CNMD: variants seen among roughly 807,000 people sequenced by gnomAD.
The protein encoded by CNMD is leukocyte cell-derived chemotaxin 1.
In CNMD, 30 loss-of-function variants were observed where a neutral mutation model predicts 37.5. The observed-to-expected ratio is 0.80, with a 90% CI of 0.60 to 1.09. The LOEUF is 1.09. Ranked by LOEUF, CNMD falls within the 50% of genes least tolerant of loss-of-function variation. CNMD has a pLI of 0.00. For synonymous variants in CNMD, 167 were observed against 148.2 expected, an observed-to-expected ratio of 1.13 and a Z score of -0.92; for missense variants, 398 against 423.9, an observed-to-expected ratio of 0.94 and a Z score of 0.54.
chr13:52,723,211 C>A (rs1233286912), intron 4 of CNMD, among the ~76,000 whole-genome samples: 1 of 152,192 alleles, frequency 6.6e-6, no homozygotes, highest in East Asian at 1.9e-4. Context: ...CCCACCTCTG[C>A]CTCCTGAGTA....
At chr13:52,708,071 C>CA (rs1253354405) in intron 6 of CNMD, among the ~76,000 whole-genome samples, 3 of 151,768 alleles carry the variant, frequency 2.0e-5, no homozygotes, top group African/African-American at 4.8e-5. Flanking sequence ...GAAACAACAA[C>CA]AAAAAAACAA....
chr13:52,739,301 C>T lies in CNMD; in HGVS notation c.73-130G>A, dbSNP rs1200534635. On this transcript the variant is annotated intron_variant, in intron 1 of 6. Coordinates refer to ENST00000377962, the MANE Select transcript of CNMD (RefSeq NM_007015.3). The surrounding 1 kb of genome is among the most constrained non-coding windows in gnomAD (Gnocchi z 5.4). ...GGGCGGGAAACAGCTCGCCCGGGCTCCTACGGGTGCCCCTTTCGCCGCGCT... is the reference window on the plus strand; with the variant it reads ...GGGCGGGAAACAGCTCGCCCGGGCTTCTACGGGTGCCCCTTTCGCCGCGCT... The T allele has an allele frequency of 1.3e-5, 15 of 1,128,846 alleles. No individual in the cohort carries two copies. Among genetic ancestry groups the T allele is most frequent in the Non-Finnish European group, 1.8e-5 (15 of 834,496 alleles). The allele number at this position is 1,128,846 out of a possible 1,614,324, so 69.9% of individuals were successfully genotyped here.
rs368102754 is a variant in CNMD, at chr13:52,703,808, C to T, written c.792G>A (p.Gln264=). ...CGAATGTCATGCTTTCCCCTTCCTG[C>T]TGCTGTGAAATAAAAGATAATTATT... is the stretch of plus-strand genomic sequence containing the variant. The part of the protein sequence containing the change: ...QAFNPDNPYH[Q]QEGESMTFDP... Residue 264 remains glutamine (Q), a splice_region_variant and synonymous_variant, in exon 7 of 7, where the codon CAG becomes CAA. Transcript: ENST00000377962. 9 of 1,606,174 alleles carry T rather than the reference C, an allele frequency of 5.6e-6. No homozygotes were observed. The highest frequency in any genetic ancestry group is 7.7e-6 in the Non-Finnish European group (9 of 1,173,232).
chr13:52,733,023 CT>C, intron 3 of CNMD, 195 bp downstream of exon 3: 2 of 593,004 alleles, frequency 3.4e-6, no homozygotes, highest in Non-Finnish European at 5.9e-6. Context: ...TTGTTTTTTT[CT>C]TTTGCAAATA....
intron 4 of CNMD, among the ~76,000 whole-genome samples, chr13:52,716,505 C>T (rs562420544): frequency 1.3e-5 from 2 of 152,122 alleles, no homozygotes; most frequent in African/African-American, 4.8e-5. Context: ...GCCTTTAATC[C>T]AGCTTGAGTT....
intron 3 of CNMD, among the ~76,000 whole-genome samples, chr13:52,730,312 A>G (rs1483419927): frequency 2.0e-5 from 3 of 152,120 alleles, no homozygotes; most frequent in African/African-American, 4.8e-5. Flanking sequence ...TAGCAGCATG[A>G]TTTATAATCC....
chr13:52,720,083 C>T (rs1258333180), intron 4 of CNMD, among the ~76,000 whole-genome samples: 2 of 152,158 alleles, frequency 1.3e-5, no homozygotes, highest in Non-Finnish European at 1.5e-5. Flanking sequence ...AGTTGATCTT[C>T]AATCTTGGAT....
chr13:52,739,132 G>T lies in CNMD; in HGVS notation c.112C>A (p.Arg38=), dbSNP rs766369136. 6.4e-7 allele frequency: 1 copy of T among 1,551,940 alleles called. No individual in the cohort carries two copies. The highest frequency in any genetic ancestry group is 8.7e-7 in the Non-Finnish European group (1 of 1,155,254). ...ACCACGGCTCCCACCTTGAGCAGCC[G>T]CGCGGGGCTGGAGGGCTTCACCGTC... The part of the protein sequence containing the change: ...TLTVKPSSPA[R]LLKVGAVVLI... The change falls in exon 2 of 7, where the codon CGG becomes AGG. Residue 38 remains arginine, a synonymous_variant. Transcript: ENST00000377962. This position sits in a 1 kb window ranked among gnomAD's most constrained non-coding sequence, Gnocchi z 5.4.
chr13:52,729,868 G>A (rs928805529), intron 3 of CNMD, among the ~76,000 whole-genome samples: 1 of 151,634 alleles, frequency 6.6e-6, no homozygotes, highest in African/African-American at 2.4e-5. Context: ...TTGGGTACAT[G>A]TGCACAATGT....
chr13:52,739,751 G>GATCT lies in CNMD; in HGVS notation c.-54_-51dup. ...CTTGGAGACTCCCTGGGCACCCTGG[G>GATCT]ATCTGTCCCGCTGCCCCGACGTGCA... On this transcript the variant is annotated 5_prime_UTR_variant, in exon 1 of 7. The change creates a premature stop within an existing upstream ORF in the 5' untranslated region. Transcript: ENST00000377962. The surrounding 1 kb of genome is among the most constrained non-coding windows in gnomAD (Gnocchi z 5.4). 1 of 1,512,166 alleles carries GATCT rather than the reference G, an allele frequency of 6.6e-7. No individual in the cohort carries two copies. Among genetic ancestry groups the GATCT allele is most frequent in the Non-Finnish European group, 9.2e-7 (1 of 1,088,824 alleles). 93.7% of individuals were successfully genotyped at this position (1,512,166 alleles called of 1,614,324 possible).
chr13:52,735,009 A>C (rs4885947), intron 2 of CNMD, among the ~76,000 whole-genome samples: 4,677 of 152,194 alleles, frequency 0.031, 137 homozygotes, highest in Admixed American at 0.092. Flanking sequence ...ACCATCCCTC[A>C]TTGCCCCTCC....
At chr13:52,727,854 G>T (rs1964601300) in intron 3 of CNMD, among the ~76,000 whole-genome samples, 1 of 152,282 alleles carries the variant, frequency 6.6e-6, no homozygotes, top group African/African-American at 2.4e-5. Context: ...GTAAAAACAT[G>T]CAGTTAGACA....
At chr13:52,732,381 C>T (rs1370324979) in intron 3 of CNMD, among the ~76,000 whole-genome samples, 4 of 152,118 alleles carry the variant, frequency 2.6e-5, no homozygotes, top group Non-Finnish European at 4.4e-5. Context: ...CCTGAAGTGA[C>T]ACTTTGGTTT....
chr13:52,712,394 A>T (rs1203777259), intron 5 of CNMD, among the ~76,000 whole-genome samples: 1 of 152,170 alleles, frequency 6.6e-6, no homozygotes, highest in Non-Finnish European at 1.5e-5. Context: ...AAAATGTAAA[A>T]TTGGAAGGTG....
At chr13:52,733,911 A>G (rs118149547) in intron 2 of CNMD, among the ~76,000 whole-genome samples, 2 of 152,314 alleles carry the variant, frequency 1.3e-5, no homozygotes, top group Non-Finnish European at 2.9e-5. Flanking sequence ...TATATGGTAT[A>G]TGGTATTAGG....
Position 52,739,630 on chromosome 13 carries a change from CG to C in CNMD, c.71del (p.Pro24ArgfsTer6), listed in dbSNP as rs768157613. 3.1e-6 allele frequency: 5 copies of C among 1,613,580 alleles called. No homozygotes were observed. Among genetic ancestry groups the C allele is most frequent in the Admixed American group, 1.7e-5 (1 of 60,002 alleles). ...GPDDVEFCSP[P>X]AYATLTVKPS... ...GTGTGGAATCCCTGGCGGTACTCAC[CG>C]GGGGGCTGCAGAATTCCACGTCATC... On this transcript the variant is annotated frameshift_variant and splice_region_variant, in exon 1 of 7. Coordinates refer to ENST00000377962, the MANE Select transcript of CNMD (RefSeq NM_007015.3). LOFTEE classifies it high-confidence loss of function. This position sits in a 1 kb window ranked among gnomAD's most constrained non-coding sequence, Gnocchi z 5.4.
intron 4 of CNMD, among the ~76,000 whole-genome samples, chr13:52,716,437 G>A (rs1003666202): frequency 2.0e-5 from 3 of 152,158 alleles, no homozygotes; most frequent in East Asian, 3.9e-4. Flanking sequence ...CCTATGTCCT[G>A]AATGGTATTG....
intron 4 of CNMD, 60 bp downstream of exon 4, chr13:52,723,936 GT>G (rs1964524346): frequency 3.8e-6 from 4 of 1,047,066 alleles, no homozygotes; most frequent in Admixed American, 1.8e-5. Context: ...AACCAAAAGG[GT>G]TGTGCCTTCA....
chr13:52,729,572 T>A (rs541533435), intron 3 of CNMD, among the ~76,000 whole-genome samples: 2 of 152,358 alleles, frequency 1.3e-5, no homozygotes, highest in East Asian at 3.9e-4. Context: ...GTCATTCAGC[T>A]ACTACTATAA....
Sources: gnomAD v4.1 joint callset for allele counts (sites outside exome capture counted in the v4.1 genomes callset) on GRCh38, gnomAD v4.1.1 for gene constraint, Gnocchi (gnomAD v3.1) non-coding constraint, MANE v1.5 for transcripts, NCBI Gene and HGNC (gene_info 2026-07-23, HGNC 2026-07-21) for gene names.